The following ZNF236 variants were observed in gnomAD, a reference collection of about 807,000 sequenced individuals.
ZNF236 encodes the protein zinc finger protein 236, also known as regulated by glucose.
ZNF236 carries 50 observed loss-of-function variants against 191.2 expected under a neutral mutation model. That is an observed-to-expected ratio of 0.26 (90% CI 0.21 to 0.33). ZNF236 has a LOEUF of 0.33. ZNF236 is among the 10% of genes least tolerant of loss of function. ZNF236 has a pLI of 1.00. For missense variants in ZNF236, 1,754 were observed against 2,374.5 expected, an observed-to-expected ratio of 0.74 and a Z score of 5.43; for synonymous variants, 907 against 928.8, an observed-to-expected ratio of 0.98 and a Z score of 0.43.
At chr18:76,852,019 A>G in intron 3 of ZNF236, 80 bp downstream of exon 3, 1 of 1,438,158 alleles carries the variant, frequency 7.0e-7, no homozygotes, top group East Asian at 2.3e-5. Flanking sequence ...GATTTTAGAT[A>G]TAAACTTGTT....
At chr18:76,894,386 A>G (rs868252869) in intron 9 of ZNF236, among the ~76,000 whole-genome samples, 1 of 152,210 alleles carries the variant, frequency 6.6e-6, no homozygotes, top group African/African-American at 2.4e-5. Flanking sequence ...GGGTCTTGGC[A>G]GTATTTCCTG....
At chr18:76,838,174 A>C (rs1022425832) in intron 1 of ZNF236, among the ~76,000 whole-genome samples, 1 of 152,214 alleles carries the variant, frequency 6.6e-6, no homozygotes, top group Non-Finnish European at 1.5e-5. Context: ...AGTGAAGTAC[A>C]TTGATCTTGG....
chr18:76,924,532 G>A (rs1255294602), intron 21 of ZNF236, among the ~76,000 whole-genome samples: 1 of 152,206 alleles, frequency 6.6e-6, no homozygotes, highest in Non-Finnish European at 1.5e-5. Flanking sequence ...TTCCTGGACA[G>A]TAGAGGGGAA....
chr18:76,865,693 GA>G (rs1976386494), intron 3 of ZNF236, among the ~76,000 whole-genome samples: 1 of 152,178 alleles, frequency 6.6e-6, no homozygotes, highest in African/African-American at 2.4e-5. Flanking sequence ...AGGGTCCCCT[GA>G]AACCTTGGAA....
intron 3 of ZNF236, among the ~76,000 whole-genome samples, chr18:76,863,742 G>A (rs1187401442): frequency 2.0e-5 from 3 of 151,822 alleles, no homozygotes; most frequent in Non-Finnish European, 2.9e-5. Flanking sequence ...TTCTATATGT[G>A]GTAAATGTCC....
At chr18:76,910,029 C>A (rs778189056) in intron 14 of ZNF236, 39 bp from the exon 15 acceptor site, 3 of 1,514,772 alleles carry the variant, frequency 2.0e-6, no homozygotes, top group Non-Finnish European at 1.8e-6. Flanking sequence ...AAATAACTTC[C>A]AAATGTATGC....
chr18:76,877,513 A>G lies in ZNF236; in HGVS notation c.841-496A>G, dbSNP rs114232493. On this transcript the variant is annotated intron_variant, in intron 6 of 30. Coordinates refer to ENST00000320610, the MANE Select transcript of ZNF236 (RefSeq NM_001306089.2). ...CAGAGCATCTCAAAAAAAAAAAAGA[A>G]AAAAAGAAAATTAGTTGTTGATACA... 6.9e-3 allele frequency among the ~76,000 whole-genome samples: 1,045 copies of G among 152,276 alleles called. 9 individuals carry two copies. Among genetic ancestry groups the G allele is most frequent in the African/African-American group, 0.023 (964 of 41,546 alleles).
intron 1 of ZNF236, among the ~76,000 whole-genome samples, chr18:76,844,778 AG>A (rs549663478): frequency 1.8e-4 from 27 of 152,214 alleles, no homozygotes; most frequent in Non-Finnish European, 3.2e-4. Context: ...TAGGGTCTCT[AG>A]GTGGGGAATA....
intron 26 of ZNF236, among the ~76,000 whole-genome samples, chr18:76,939,952 T>C (rs8084071): frequency 0.44 from 46,161 of 104,248 alleles, 8,423 homozygotes; most frequent in Middle Eastern, 0.58. Flanking sequence ...TTTGGGAACA[T>C]GGTGGGCCAC....
intron 2 of ZNF236, among the ~76,000 whole-genome samples, chr18:76,850,919 T>C (rs1975844006): frequency 6.6e-6 from 1 of 151,616 alleles, no homozygotes; most frequent in African/African-American, 2.4e-5. Context: ...GAAGTGATTT[T>C]GTTTATAATG....
intron 2 of ZNF236, among the ~76,000 whole-genome samples, chr18:76,850,616 T>C (rs1975829553): frequency 6.6e-6 from 1 of 152,112 alleles, no homozygotes; most frequent in Non-Finnish European, 1.5e-5. Flanking sequence ...TGTTTTTGTT[T>C]TTTTTTTGAG....
At chr18:76,933,244 G>A (rs1484187381) in intron 25 of ZNF236, among the ~76,000 whole-genome samples, 1 of 152,160 alleles carries the variant, frequency 6.6e-6, no homozygotes, top group Non-Finnish European at 1.5e-5. Context: ...CGAGGCGGGC[G>A]GATCACCTGA....
In ZNF236 at chr18:76,925,351, A is replaced by G. The variant is rs745424123; in HGVS notation, c.3824A>G (p.His1275Arg). ...AGAAGAAAGACACACATGCAGTTTC[A>G]TTATAAACCAGACCCAAAGAAGGCC... ...SGRRKTHMQF[H>R]YKPDPKKARK... is the part of the protein sequence containing the mutation. Residue 1275 changes from histidine (H) to arginine (R), a missense_variant, in exon 22 of 31, where the codon CAT (histidine) becomes CGT (arginine). Physicochemically the swap from His to Arg is conservative, Grantham distance 29. Transcript: ENST00000320610. This position sits in a 1 kb window ranked among gnomAD's most constrained non-coding sequence, Gnocchi z 5.7. The G allele has an allele frequency of 6.2e-7, 1 of 1,614,218 alleles. No homozygotes were observed. The highest frequency in any genetic ancestry group is 8.5e-7 in the Non-Finnish European group (1 of 1,180,038).
chr18:76,916,137 C>T (rs559613215), intron 19 of ZNF236, among the ~76,000 whole-genome samples: 8 of 152,238 alleles, frequency 5.3e-5, no homozygotes, highest in Middle Eastern at 3.4e-3. Flanking sequence ...TGCTTGGGCG[C>T]GCATGTTGCT....
intron 1 of ZNF236, among the ~76,000 whole-genome samples, chr18:76,847,575 C>G (rs949746672): frequency 2.0e-5 from 3 of 152,260 alleles, no homozygotes; most frequent in East Asian, 1.9e-4. Flanking sequence ...ACGCCTTTCT[C>G]CTGTGTCAGC....
At chr18:76,841,440 TTAA>T (rs1975500797) in intron 1 of ZNF236, among the ~76,000 whole-genome samples, 2 of 151,658 alleles carry the variant, frequency 1.3e-5, no homozygotes, top group South Asian at 4.1e-4. Flanking sequence ...TAAGGACCAC[TTAA>T]TGAGTTTCTG....
At chr18:76,916,354 C>G (rs1409171631) in intron 19 of ZNF236, among the ~76,000 whole-genome samples, 1 of 152,152 alleles carries the variant, frequency 6.6e-6, no homozygotes, top group Non-Finnish European at 1.5e-5. Context: ...AGTATCTGGT[C>G]TTTCACTGAA....
chr18:76,912,647 C>T (rs1467412756), intron 17 of ZNF236, among the ~76,000 whole-genome samples: 3 of 152,286 alleles, frequency 2.0e-5, no homozygotes, highest in African/African-American at 4.8e-5. Flanking sequence ...ATTCCATTTT[C>T]GAAATTAGTT....
intron 9 of ZNF236, chr18:76,888,532 T>C (rs946153151): frequency 1.3e-5 from 2 of 152,288 alleles, no homozygotes; most frequent in Non-Finnish European, 2.9e-5. Flanking sequence ...TGTTGGACAG[T>C]AGTTACTTCT....
Sources: allele counts gnomAD v4.1 joint callset (sites outside exome capture counted in the v4.1 genomes callset), GRCh38; gene constraint gnomAD v4.1.1; non-coding constraint Gnocchi (gnomAD v3.1); transcripts MANE v1.5; gene names NCBI Gene and HGNC (gene_info 2026-07-23, HGNC 2026-07-21).